Variants in DPP6 observed in about 807,000 individuals in gnomAD.
DPP6 encodes the protein A-type potassium channel modulatory protein DPP6.
In DPP6, 69 loss-of-function variants were observed where a neutral mutation model predicts 122.6. That is an observed-to-expected ratio of 0.56 (90% CI 0.46 to 0.69). DPP6 has a LOEUF of 0.69. DPP6 is among the 30% of genes least tolerant of loss of function. The pLI is 0.00. For synonymous variants in DPP6, 418 were observed against 433.1 expected (o/e 0.97, Z 0.43); for missense variants, 928 against 1,116.9 (o/e 0.83, Z 2.41).
chr7:153,772,864 CTTGT>C, the DPP6 span, among the ~76,000 whole-genome samples: 5 of 145,434 alleles, frequency 3.4e-5, no homozygotes, highest in Non-Finnish European at 6.0e-5. Context: ...GATAATTTTT[CTTGT>C]TTCTTTTATA....
chr7:154,073,359 G>C (rs1466724394), intron 1 of DPP6, among the ~76,000 whole-genome samples: 2 of 152,188 alleles, frequency 1.3e-5, no homozygotes, highest in African/African-American at 2.4e-5. Flanking sequence ...CTAAATCTGT[G>C]CTCTCTACCA....
intron 7 of DPP6, among the ~76,000 whole-genome samples, chr7:154,709,988 C>A (rs1344785888): frequency 1.3e-5 from 2 of 152,198 alleles, no homozygotes; most frequent in African/African-American, 2.4e-5. Flanking sequence ...TTCAGCATCA[C>A]CTGGACTCAG....
the DPP6 span, among the ~76,000 whole-genome samples, chr7:153,881,361 C>T: frequency 9.9e-5 from 15 of 152,150 alleles, no homozygotes; most frequent in Non-Finnish European, 1.9e-4. Flanking sequence ...AGATTAAATT[C>T]CGTTTCCATC....
intron 3 of DPP6, among the ~76,000 whole-genome samples, chr7:154,530,140 AG>A (rs1322795594): frequency 1.3e-5 from 2 of 152,124 alleles, no homozygotes; most frequent in Admixed American, 6.5e-5. Flanking sequence ...AAAAAAAAAA[AG>A]AAAAAGAAAA....
chr7:154,195,208 C>T (rs1376076389), intron 1 of DPP6, among the ~76,000 whole-genome samples: 1 of 152,104 alleles, frequency 6.6e-6, no homozygotes, highest in Non-Finnish European at 1.5e-5. Flanking sequence ...CTAGTCATTC[C>T]AATACCATTT....
At chr7:154,283,627 C>G (rs1804668462) in intron 1 of DPP6, among the ~76,000 whole-genome samples, 1 of 151,970 alleles carries the variant, frequency 6.6e-6, no homozygotes, top group East Asian at 1.9e-4. Context: ...GCACAAGGCA[C>G]TGTAGGAATT....
chr7:153,798,590 A>G, the DPP6 span, among the ~76,000 whole-genome samples: 9 of 152,286 alleles, frequency 5.9e-5, no homozygotes, highest in South Asian at 1.0e-3. Context: ...CATTTTTGGC[A>G]CCAGGGACTG....
At chr7:154,001,696 C>G (rs1363001587) in intron 1 of DPP6, among the ~76,000 whole-genome samples, 3 of 151,628 alleles carry the variant, frequency 2.0e-5, no homozygotes, top group Admixed American at 6.6e-5. Flanking sequence ...CTCTTTTCTT[C>G]TGGTCATGAA....
intron 1 of DPP6, among the ~76,000 whole-genome samples, chr7:154,175,028 A>G (rs1309487612): frequency 1.3e-5 from 2 of 151,364 alleles, no homozygotes; most frequent in African/African-American, 4.9e-5. Context: ...CCCCTGCAAC[A>G]CGCGCCCCCC....
chr7:153,789,364 T>C, the DPP6 span, among the ~76,000 whole-genome samples: 1 of 152,196 alleles, frequency 6.6e-6, no homozygotes, highest in South Asian at 2.1e-4. Context: ...CAAGAATCAA[T>C]GTAATTGTCT....
chr7:154,822,929 C>T (rs1010401531), intron 16 of DPP6, among the ~76,000 whole-genome samples: 2 of 152,172 alleles, frequency 1.3e-5, no homozygotes, highest in Non-Finnish European at 2.9e-5. Flanking sequence ...ATCCTGACAT[C>T]TAGTGCAAGA....
intron 1 of DPP6, among the ~76,000 whole-genome samples, chr7:154,185,598 A>G (rs934816202): frequency 6.6e-6 from 1 of 152,166 alleles, no homozygotes; most frequent in East Asian, 1.9e-4. Context: ...TTTCAATGCT[A>G]GGATTGTCAT....
intron 1 of DPP6, among the ~76,000 whole-genome samples, chr7:153,983,490 A>G (rs562722648): frequency 6.6e-6 from 1 of 152,298 alleles, no homozygotes; most frequent in Non-Finnish European, 1.5e-5. Context: ...GGCTCCATGG[A>G]GATGGGCTCC....
At chr7:154,790,792 C>G (rs1797621674) in intron 10 of DPP6, among the ~76,000 whole-genome samples, 2 of 125,884 alleles carry the variant, frequency 1.6e-5, no homozygotes, top group Non-Finnish European at 3.1e-5. Context: ...ATATTACAAA[C>G]TAAGAGAAGG....
chr7:154,861,839 C>T (rs957003975), intron 17 of DPP6, among the ~76,000 whole-genome samples: 1 of 151,976 alleles, frequency 6.6e-6, no homozygotes, highest in Admixed American at 6.6e-5. Context: ...TTTTGGTGGT[C>T]GCTTCTTTTT....
At chr7:154,148,202 G>T (rs1431028331) in intron 1 of DPP6, among the ~76,000 whole-genome samples, 1 of 128,588 alleles carries the variant, frequency 7.8e-6, no homozygotes, top group Non-Finnish European at 1.7e-5. Flanking sequence ...GGGGAGTAAT[G>T]GGAGGTCCCC....
At chr7:154,383,626 A>C (rs1813821889) in intron 1 of DPP6, among the ~76,000 whole-genome samples, 1 of 152,210 alleles carries the variant, frequency 6.6e-6, no homozygotes, top group Admixed American at 6.5e-5. Flanking sequence ...ACAGTGGCTC[A>C]CGCCTGTAAT....
intron 1 of DPP6, among the ~76,000 whole-genome samples, chr7:154,072,402 G>A (rs1211263100): frequency 7.2e-5 from 11 of 152,124 alleles, no homozygotes; most frequent in South Asian, 4.2e-4. Flanking sequence ...AGCTGCCTGC[G>A]CTTTGCTGCT....
At chr7:153,858,886 T>C in the DPP6 span, among the ~76,000 whole-genome samples, 1 of 152,224 alleles carries the variant, frequency 6.6e-6, no homozygotes, top group Non-Finnish European at 1.5e-5. Context: ...TCACGCTGTC[T>C]TGTGACAGTT....
Sources: allele counts gnomAD v4.1 joint callset (sites outside exome capture counted in the v4.1 genomes callset), GRCh38; gene constraint gnomAD v4.1.1; transcripts MANE v1.5; gene names NCBI Gene and HGNC (gene_info 2026-07-23, HGNC 2026-07-21).